Variants in PREX1 observed in about 807,000 individuals in gnomAD.
The protein encoded by PREX1 is phosphatidylinositol 3,4,5-trisphosphate-dependent Rac exchanger 1 protein.
A neutral mutation model predicts 198.3 loss-of-function variants in PREX1; 41 were observed. The observed-to-expected ratio is 0.21, with a 90% CI of 0.16 to 0.27. PREX1 has a LOEUF of 0.27. Among genes scored for constraint, PREX1 ranks in the 10% least tolerant of loss-of-function variants. PREX1 has a pLI of 1.00. For missense variants in PREX1, 1,620 were observed against 2,200.7 expected (o/e 0.74, Z 5.28); for synonymous variants, 843 against 887.2 (o/e 0.95, Z 0.89).
chr20:48,770,608 G>A (rs1419479879), intron 1 of PREX1, among the ~76,000 whole-genome samples: 3 of 152,186 alleles, frequency 2.0e-5, no homozygotes, highest in Non-Finnish European at 4.4e-5. Flanking sequence ...TACTTGGGAG[G>A]CAGAGGCAGG....
the PREX1 span, among the ~76,000 whole-genome samples, chr20:48,860,919 G>A: frequency 6.6e-6 from 1 of 151,708 alleles, no homozygotes; most frequent in Non-Finnish European, 1.5e-5. Context: ...TTGCTTGAGG[G>A]CAGGAGTTTG....
Position 48,652,695 on chromosome 20 carries a change from C to A in PREX1, c.2358G>T (p.Gln786His). 6.2e-7 allele frequency: 1 copy of A among 1,612,398 alleles called. No homozygotes were observed. Among genetic ancestry groups the A allele is most frequent in the Non-Finnish European group, 8.5e-7 (1 of 1,179,152 alleles). Reference sequence around the variant, plus strand: ...CATCCTCATGGGTGTGGTAGATCCACTGGTACAGGCCCTGCCAGAAGCCAG... The same window carrying A: ...CATCCTCATGGGTGTGGTAGATCCAATGGTACAGGCCCTGCCAGAAGCCAG... ...SRREEALGLY[Q>H]WIYHTHEDAQ... The change falls in exon 21 of 40, where the codon CAG becomes CAT. Residue 786 changes from glutamine to histidine, a missense_variant. Transcript: ENST00000371941.
chr20:48,882,615 G>A, the PREX1 span, among the ~76,000 whole-genome samples: 1 of 151,266 alleles, frequency 6.6e-6, no homozygotes, highest in Non-Finnish European at 1.5e-5. Flanking sequence ...AGAATTGCTG[G>A]GTTAAATGGC....
At chr20:48,715,218 A>G (rs534713216) in intron 5 of PREX1, among the ~76,000 whole-genome samples, 4 of 152,330 alleles carry the variant, frequency 2.6e-5, no homozygotes, top group African/African-American at 7.2e-5. Flanking sequence ...GGAGAACTAC[A>G]TGACTAAGAG....
chr20:48,833,811 C>A, the PREX1 span, among the ~76,000 whole-genome samples: 3 of 152,104 alleles, frequency 2.0e-5, no homozygotes, highest in Non-Finnish European at 4.4e-5. Context: ...CAGCCGGGCG[C>A]GGTGGCTCAC....
chr20:48,699,375 G>A lies in PREX1; in HGVS notation c.917+1378C>T, dbSNP rs540718572. Reference sequence around the variant, plus strand: ...AAGAGAATTTGAAAAGTGCTGCAGGGGTCAGCTGAGACCATCCTATACCTG... The same window carrying A: ...AAGAGAATTTGAAAAGTGCTGCAGGAGTCAGCTGAGACCATCCTATACCTG... On this transcript the variant is annotated intron_variant, in intron 7 of 39. Coordinates refer to ENST00000371941, the MANE Select transcript of PREX1 (RefSeq NM_020820.4). Among the ~76,000 whole-genome samples, 8 of 152,158 alleles carry A rather than the reference G, an allele frequency of 5.3e-5. No homozygotes were observed. The South Asian group carries it at 6.2e-4, about 12-fold the overall frequency.
At chr20:48,721,292 G>A (rs1601096215) in intron 5 of PREX1, among the ~76,000 whole-genome samples, 1 of 152,222 alleles carries the variant, frequency 6.6e-6, no homozygotes, top group African/African-American at 2.4e-5. Context: ...AGGACAGAAT[G>A]TGAGCCAGCG....
chr20:48,632,655 G>A lies in PREX1; in HGVS notation c.4268-16C>T. On this transcript the variant is annotated splice_polypyrimidine_tract_variant and intron_variant, in intron 33 of 39. Coordinates refer to ENST00000371941, the MANE Select transcript of PREX1 (RefSeq NM_020820.4). ...ACGTTGGTGTCTGCGGAAGGATATG[G>A]GGCAGGATGACTCACCACCGAGGCC... The A allele has an allele frequency of 6.2e-7, 1 of 1,612,956 alleles. No individual in the cohort carries two copies. The highest frequency in any genetic ancestry group is 1.3e-5 in the African/African-American group (1 of 74,986).
At chr20:48,791,961 G>A (rs2090340861) in intron 1 of PREX1, among the ~76,000 whole-genome samples, 1 of 152,224 alleles carries the variant, frequency 6.6e-6, no homozygotes, top group South Asian at 2.1e-4. Context: ...GGGGCTGAGA[G>A]GTGGCTGCTT....
chr20:48,808,429 G>A (rs1176682370), intron 1 of PREX1, among the ~76,000 whole-genome samples: 1 of 152,192 alleles, frequency 6.6e-6, no homozygotes, highest in Non-Finnish European at 1.5e-5. Flanking sequence ...CACAGCTCGT[G>A]AGCAGCACAG....
At chr20:48,647,890 C>T (rs547096321) in intron 25 of PREX1, among the ~76,000 whole-genome samples, 16 of 152,152 alleles carry the variant, frequency 1.1e-4, no homozygotes, top group South Asian at 4.1e-4. Context: ...ATCCCCATCA[C>T]TTTTTATTTC....
At chr20:48,658,295 GC>G in intron 16 of PREX1, 67 bp from the exon 17 acceptor site, 1 of 1,509,416 alleles carries the variant, frequency 6.6e-7, no homozygotes, top group Non-Finnish European at 9.1e-7. Flanking sequence ...CCCCACCGTG[GC>G]CCCCACAGGA....
intron 1 of PREX1, among the ~76,000 whole-genome samples, chr20:48,773,335 C>A (rs540488513): frequency 1.4e-4 from 21 of 150,818 alleles, no homozygotes; most frequent in African/African-American, 5.1e-4. Flanking sequence ...GTTCAAGCTT[C>A]TCATCCTGGC....
intron 14 of PREX1, among the ~76,000 whole-genome samples, chr20:48,673,567 T>C (rs2089690136): frequency 6.6e-6 from 1 of 152,146 alleles, no homozygotes; most frequent in Admixed American, 6.5e-5. Context: ...TCTGAGAGCC[T>C]TGAAACCCAG....
At chr20:48,627,224 T>A (rs1418915973) in intron 39 of PREX1, among the ~76,000 whole-genome samples, 4 of 66,480 alleles carry the variant, frequency 6.0e-5, no homozygotes, top group African/African-American at 2.4e-4. Flanking sequence ...GGGGGGCACA[T>A]GGCATGGGAC....
At chr20:48,845,039 A>G in the PREX1 span, among the ~76,000 whole-genome samples, 1 of 152,208 alleles carries the variant, frequency 6.6e-6, no homozygotes, top group Admixed American at 6.5e-5. Context: ...CACTAGATAA[A>G]TGGCATCGCC....
rs2089816972 is a variant in PREX1, at chr20:48,691,121, G to A, written c.1037-25C>T. The A allele has an allele frequency of 6.2e-7, 1 of 1,614,060 alleles. No individual in the cohort carries two copies. On this transcript the variant is annotated intron_variant, in intron 8 of 39. Transcript: ENST00000371941. The surrounding 1 kb of genome is among the most constrained non-coding windows in gnomAD (Gnocchi z 5.0). The stretch of plus-strand genomic sequence containing the variant: ...GCTGGTGGGGGCAGGAGGCAAAGGT[G>A]CAGCAGAGACTCAGCCGCGTGACCT...
intron 6 of PREX1, among the ~76,000 whole-genome samples, chr20:48,702,820 G>A (rs903679280): frequency 5.9e-5 from 9 of 152,232 alleles, no homozygotes; most frequent in African/African-American, 2.2e-4. Context: ...GTCAACCACA[G>A]ACTTTAATTA....
In PREX1 at chr20:48,795,804, T is replaced by C. The variant is rs1216460182; in HGVS notation, c.219+31838A>G. Among the ~76,000 whole-genome samples, 3 of 152,178 alleles carry C rather than the reference T, an allele frequency of 2.0e-5. No individual in the cohort carries two copies. The East Asian group carries it at 5.8e-4, about 29-fold the overall frequency. On this transcript the variant is annotated intron_variant, in intron 1 of 39. Coordinates refer to ENST00000371941, the MANE Select transcript of PREX1 (RefSeq NM_020820.4). ...CTCAGAATGCTAGGTGATCCTACGT[T>C]TACCCTCAGGGACCCAGAATTTGAA... is the stretch of plus-strand genomic sequence containing the variant.
Sources: allele counts gnomAD v4.1 joint callset (sites outside exome capture counted in the v4.1 genomes callset), GRCh38; gene constraint gnomAD v4.1.1; non-coding constraint Gnocchi (gnomAD v3.1); transcripts MANE v1.5; gene names NCBI Gene and HGNC (gene_info 2026-07-23, HGNC 2026-07-21).